CILK1: variants seen among roughly 807,000 people sequenced by gnomAD.
The protein encoded by CILK1 is ciliogenesis associated kinase 1.
In CILK1, 47 loss-of-function variants were observed where a neutral mutation model predicts 79.2. That is an observed-to-expected ratio of 0.59 (90% CI 0.47 to 0.76). CILK1 has a LOEUF of 0.76. CILK1 is among the 30% of genes least tolerant of loss of function. CILK1 has a pLI of 0.00. For missense variants in CILK1, 660 were observed against 769.5 expected, an observed-to-expected ratio of 0.86 and a Z score of 1.68; for synonymous variants, 266 against 275.9, an observed-to-expected ratio of 0.96 and a Z score of 0.36.
In CILK1 at chr6:53,015,405, T is replaced by C. The variant is rs867448781; in HGVS notation, c.831+678A>G. Among the ~76,000 whole-genome samples the C allele has an allele frequency of 3.9e-5, 6 of 152,224 alleles. No individual in the cohort carries two copies. In the East Asian group the frequency reaches 5.8e-4, roughly 15 times the overall value. On this transcript the variant is annotated intron_variant, in intron 8 of 13. Coordinates refer to ENST00000676107, the MANE Select transcript of CILK1 (RefSeq NM_014920.5). ...ATTGGGAAAGGAGCTATGAAACCAG[T>C]GGACCTGACTTCATACTTCCGGTCA...
intron 13 of CILK1, among the ~76,000 whole-genome samples, 159 bp from the exon 14 acceptor site, chr6:53,005,462 G>A (rs901779812): frequency 2.0e-5 from 3 of 152,166 alleles, no homozygotes; most frequent in African/African-American, 4.8e-5. Context: ...TAAAGACATC[G>A]TTTTAAAGTT....
intron 1 of CILK1, among the ~76,000 whole-genome samples, chr6:53,050,435 GTA>G (rs1168423508): frequency 3.3e-5 from 5 of 150,444 alleles, no homozygotes; most frequent in Admixed American, 6.7e-5. Flanking sequence ...GTGTGTGTGT[GTA>G]TATATATATA....
In CILK1 at chr6:53,056,789, G is replaced by T. The variant is rs150033742; in HGVS notation, c.-173+4807C>A. 3.7e-3 allele frequency among the ~76,000 whole-genome samples: 567 copies of T among 152,264 alleles called. 3 individuals carry two copies. The highest frequency in any genetic ancestry group is 0.014 in the Middle Eastern group (4 of 294). ...AACTAATGAATGAACAACTTATGGA[G>T]CTTTAAAAGGCAATCCTGACCATAG... is the stretch of plus-strand genomic sequence containing the variant. On this transcript the variant is annotated intron_variant, in intron 1 of 13. Transcript: ENST00000676107.
chr6:53,013,321 G>A (rs1311156210), intron 9 of CILK1, among the ~76,000 whole-genome samples: 1 of 152,198 alleles, frequency 6.6e-6, no homozygotes, highest in Non-Finnish European at 1.5e-5. Context: ...TACAGATGAG[G>A]AAAATGAGGA....
At chr6:53,021,643 TG>T (rs1227805845) in intron 5 of CILK1, among the ~76,000 whole-genome samples, 2 of 152,186 alleles carry the variant, frequency 1.3e-5, no homozygotes, top group African/African-American at 4.8e-5. Flanking sequence ...GTAAGTTCAC[TG>T]TACAGTCATG....
At chr6:53,025,260 C>G (rs970024783) in intron 5 of CILK1, among the ~76,000 whole-genome samples, 1 of 152,106 alleles carries the variant, frequency 6.6e-6, no homozygotes, top group Admixed American at 6.6e-5. Context: ...GTGGCAGTTC[C>G]GTTATAATGG....
intron 8 of CILK1, 115 bp downstream of exon 8, chr6:53,015,968 T>C: frequency 9.9e-7 from 1 of 1,014,246 alleles, no homozygotes; most frequent in South Asian, 1.3e-5. Context: ...ACACCATTAG[T>C]GGTATTCTGT....
Position 53,009,441 on chromosome 6 carries a change from G to A in CILK1, c.1619C>T (p.Ser540Leu). 1.2e-6 allele frequency: 2 copies of A among 1,614,074 alleles called. No homozygotes were observed. Among genetic ancestry groups the A allele is most frequent in the Non-Finnish European group, 1.7e-6 (2 of 1,179,940 alleles). The change falls in exon 12 of 14, where the codon TCA becomes TTA. Residue 540 changes from serine to leucine, a missense_variant and splice_region_variant. Coordinates refer to ENST00000676107, the MANE Select transcript of CILK1 (RefSeq NM_014920.5). ...GTMSVISKVN[S>L]VGSSSTSSSG... is the part of the protein sequence containing the mutation. Reference sequence around the variant, plus strand: ...AGGGGTTAATGATCATTACTCACCTGAATTTACTTTGCTGATTACTGACAT... The same window carrying A: ...AGGGGTTAATGATCATTACTCACCTAAATTTACTTTGCTGATTACTGACAT...
intron 1 of CILK1, among the ~76,000 whole-genome samples, chr6:53,043,492 C>T (rs1245544251): frequency 3.3e-5 from 5 of 152,126 alleles, no homozygotes; most frequent in Non-Finnish European, 7.3e-5. Context: ...ACTCTACCCA[C>T]CCTCAGCTCA....
intron 1 of CILK1, among the ~76,000 whole-genome samples, chr6:53,060,570 G>A (rs1768359480): frequency 1.3e-5 from 2 of 152,184 alleles, no homozygotes; most frequent in Admixed American, 1.3e-4. Flanking sequence ...TACTTCTAGT[G>A]TTTTACAAGT....
intron 8 of CILK1, 33 bp downstream of exon 8, chr6:53,016,050 T>C (rs1200609313): frequency 8.1e-6 from 13 of 1,603,508 alleles, no homozygotes; most frequent in Non-Finnish European, 1.1e-5. Context: ...CAGAGTTAGA[T>C]ATGAACGTTA....
intron 5 of CILK1, among the ~76,000 whole-genome samples, chr6:53,029,849 T>TCTACCTATGCA (rs1320964339): frequency 5.9e-5 from 9 of 152,292 alleles, no homozygotes; most frequent in Non-Finnish European, 1.0e-4. Flanking sequence ...GGACTGAGAG[T>TCTACCTATGCA]AAATGGATTT....
At chr6:53,011,707 T>C in intron 11 of CILK1, 62 bp downstream of exon 11, 2 of 1,490,516 alleles carry the variant, frequency 1.3e-6, no homozygotes, top group South Asian at 1.1e-5. Context: ...TTTGTGAATA[T>C]GTGATTCCAA....
chr6:53,049,007 G>A (rs1171112683), intron 1 of CILK1, among the ~76,000 whole-genome samples: 1 of 152,208 alleles, frequency 6.6e-6, no homozygotes, highest in Non-Finnish European at 1.5e-5. Flanking sequence ...TTAGGGCTGA[G>A]GCAGAGACGG....
rs544899288 is a variant in CILK1, at chr6:53,050,435, G to A, written c.-172-9027C>T. Among the ~76,000 whole-genome samples the A allele has an allele frequency of 1.5e-4, 23 of 150,528 alleles. No individual in the cohort carries two copies. The South Asian group carries it at 1.7e-3, about 11-fold the overall frequency. On this transcript the variant is annotated intron_variant, in intron 1 of 13. Coordinates refer to ENST00000676107, the MANE Select transcript of CILK1 (RefSeq NM_014920.5). ...TTTACTTGCATTTGTGTGTGTGTGTGTATATATATATACACATTTCACATA... is the reference window on the plus strand; with the variant it reads ...TTTACTTGCATTTGTGTGTGTGTGTATATATATATATACACATTTCACATA...
intron 7 of CILK1, 23 bp downstream of exon 7, chr6:53,018,307 T>A: frequency 1.2e-6 from 2 of 1,613,168 alleles, no homozygotes; most frequent in South Asian, 2.2e-5. Flanking sequence ...TTTGGCCCAC[T>A]GGCCTTTGTT....
At chr6:53,049,816 GC>G (rs1767350876) in intron 1 of CILK1, among the ~76,000 whole-genome samples, 1 of 152,116 alleles carries the variant, frequency 6.6e-6, no homozygotes, top group African/African-American at 2.4e-5. Flanking sequence ...AGCCTCATGG[GC>G]TCAGACAATC....
At chr6:53,034,688 T>C (rs1243367259) in intron 3 of CILK1, among the ~76,000 whole-genome samples, 3 of 152,192 alleles carry the variant, frequency 2.0e-5, no homozygotes, top group African/African-American at 7.2e-5. Flanking sequence ...GTGCTTGCTC[T>C]TAAGAGGCAA....
rs1183595676 is a variant in CILK1, at chr6:53,051,073, G to A, written c.-172-9665C>T. On this transcript the variant is annotated intron_variant, in intron 1 of 13. Coordinates refer to ENST00000676107, the MANE Select transcript of CILK1 (RefSeq NM_014920.5). Reference sequence around the variant, plus strand: ...AATACACAAATGACCAGAAGACATGGACACTGGATTAAGTTCCTACATGGA... The same window carrying A: ...AATACACAAATGACCAGAAGACATGAACACTGGATTAAGTTCCTACATGGA... 3.3e-5 allele frequency among the ~76,000 whole-genome samples: 5 copies of A among 152,120 alleles called. No homozygotes were observed. In the East Asian group the frequency reaches 7.7e-4, roughly 23 times the overall value.
Sources: gnomAD v4.1 joint callset for allele counts (sites outside exome capture counted in the v4.1 genomes callset) on GRCh38, gnomAD v4.1.1 for gene constraint, MANE v1.5 for transcripts, NCBI Gene and HGNC (gene_info 2026-07-23, HGNC 2026-07-21) for gene names.